OR6N1: variants seen among roughly 807,000 people sequenced by gnomAD.
The protein encoded by OR6N1 is olfactory receptor family 6 subfamily N member 1, also known as olfactory receptor 6N1.
For synonymous variants in OR6N1, 170 were observed against 150.7 expected (o/e 1.13, Z -0.94); for missense variants, 394 against 371.7 (o/e 1.06, Z -0.49).
the OR6N1 span, among the ~76,000 whole-genome samples, chr1:158,786,445 T>C: frequency 1.3e-5 from 2 of 152,176 alleles, no homozygotes; most frequent in African/African-American, 2.4e-5. Context: ...GGAGATTCCT[T>C]AAAGAATTAA....
At chr1:158,813,427 A>T in the OR6N1 span, among the ~76,000 whole-genome samples, 2 of 152,190 alleles carry the variant, frequency 1.3e-5, no homozygotes, top group Non-Finnish European at 2.9e-5. Flanking sequence ...ACGGAAAACC[A>T]CAGAGATGTT....
chr1:158,825,043 C>T, the OR6N1 span, among the ~76,000 whole-genome samples: 11 of 152,034 alleles, frequency 7.2e-5, no homozygotes, highest in Admixed American at 3.3e-4. Flanking sequence ...CTACAGAATG[C>T]GAGAAAATAT....
the OR6N1 span, among the ~76,000 whole-genome samples, chr1:158,792,297 G>A: frequency 6.6e-6 from 1 of 152,016 alleles, no homozygotes; most frequent in African/African-American, 2.4e-5. Context: ...TACATTTTAA[G>A]TGTGTCTCCT....
upstream of OR6N1, chr1:158,776,726 T>C: frequency 6.2e-7 from 1 of 1,612,684 alleles, no homozygotes; most frequent in Non-Finnish European, 8.5e-7. Context: ...TGGAAGATGG[T>C]CCTCTTGATA....
the OR6N1 span, among the ~76,000 whole-genome samples, chr1:158,835,754 A>G: frequency 6.6e-6 from 1 of 151,842 alleles, no homozygotes; most frequent in Admixed American, 6.6e-5. Flanking sequence ...AATGTTAGCT[A>G]TGGTGTTTTC....
the OR6N1 span, among the ~76,000 whole-genome samples, chr1:158,831,832 T>C: frequency 6.6e-6 from 1 of 152,174 alleles, no homozygotes; most frequent in African/African-American, 2.4e-5. Flanking sequence ...TTAGAGGAGA[T>C]ACTTGGTTTT....
the OR6N1 span, among the ~76,000 whole-genome samples, chr1:158,817,485 G>C: frequency 3.9e-5 from 6 of 152,150 alleles, no homozygotes; most frequent in Admixed American, 6.5e-5. Flanking sequence ...TTTGTTTTCT[G>C]TGTTGTATTT....
At chr1:158,800,253 A>AAGTTGTCTTGG in the OR6N1 span, among the ~76,000 whole-genome samples, 1 of 152,142 alleles carries the variant, frequency 6.6e-6, no homozygotes, top group Non-Finnish European at 1.5e-5. Flanking sequence ...AAGTCTTCAA[A>AAGTTGTCTTGG]AGTTGTCTTG....
chr1:158,827,435 T>A, the OR6N1 span, among the ~76,000 whole-genome samples: 2 of 152,190 alleles, frequency 1.3e-5, no homozygotes, highest in Admixed American at 1.3e-4. Flanking sequence ...TAATCATCCA[T>A]TTCCTGGAGC....
upstream of OR6N1, among the ~76,000 whole-genome samples, chr1:158,773,006 A>G (rs182618414): frequency 3.6e-3 from 543 of 152,316 alleles, 7 homozygotes; most frequent in South Asian, 0.028. Context: ...TACTTTCCTC[A>G]GATAAAATTA....
chr1:158,780,238 G>A, the OR6N1 span, among the ~76,000 whole-genome samples: 6 of 152,204 alleles, frequency 3.9e-5, no homozygotes, highest in African/African-American at 1.4e-4. Flanking sequence ...GCAAGGAACT[G>A]TTGTTGGTAA....
the OR6N1 span, among the ~76,000 whole-genome samples, chr1:158,792,978 T>C: frequency 6.6e-6 from 1 of 152,300 alleles, no homozygotes; most frequent in South Asian, 2.1e-4. Context: ...ATTTCTTTTT[T>C]CTTCCTTTTT....
Position 158,765,842 on chromosome 1 carries a change from G to A in OR6N1, c.841C>T (p.Leu281Phe), listed in dbSNP as rs780114430. 3.7e-6 allele frequency: 6 copies of A among 1,614,162 alleles called. No homozygotes were observed. The highest frequency in any genetic ancestry group is 2.5e-6 in the Non-Finnish European group (3 of 1,180,004). Reference sequence around the variant, plus strand: ...ATGAAGGGGTTGAGGAAGGGTGTGAGCACTGAGTAGACCACTGCCAGGGCC... The same window carrying A: ...ATGAAGGGGTTGAGGAAGGGTGTGAACACTGAGTAGACCACTGCCAGGGCC... ...DQALAVVYSVLTPFLNPFIYS... is the reference protein window; with the variant it reads ...DQALAVVYSVFTPFLNPFIYS... Residue 281 changes from leucine to phenylalanine, a missense_variant, in exon 2 of 2, where the codon CTC (leucine) becomes TTC (phenylalanine). Coordinates refer to ENST00000641846, the MANE Select transcript of OR6N1 (RefSeq NM_001005185.2).
the OR6N1 span, among the ~76,000 whole-genome samples, chr1:158,810,340 T>G: frequency 1.3e-5 from 2 of 152,148 alleles, no homozygotes; most frequent in Non-Finnish European, 2.9e-5. Flanking sequence ...TTAGAACTTA[T>G]AGCATTCTCC....
chr1:158,825,270 T>A, the OR6N1 span, among the ~76,000 whole-genome samples: 1 of 151,948 alleles, frequency 6.6e-6, no homozygotes, highest in Non-Finnish European at 1.5e-5. Context: ...AAACCCCATA[T>A]CTACTAACAA....
the OR6N1 span, among the ~76,000 whole-genome samples, chr1:158,794,362 T>C: frequency 6.6e-6 from 1 of 152,152 alleles, no homozygotes; most frequent in African/African-American, 2.4e-5. Flanking sequence ...GCCTGCAATA[T>C]GGCCTCTTCT....
At chr1:158,835,894 T>C in the OR6N1 span, among the ~76,000 whole-genome samples, 1 of 152,020 alleles carries the variant, frequency 6.6e-6, no homozygotes, top group Admixed American at 6.5e-5. Context: ...ATGATCATTT[T>C]TTTTTTGTCT....
rs1168827606 is a variant in OR6N1 at position 158,765,974 on chromosome 1, C to T, written c.709G>A (p.Ala237Thr). 6.2e-7 allele frequency: 1 copy of T among 1,614,166 alleles called. No individual in the cohort carries two copies. Residue 237 changes from alanine (A) to threonine (T), a missense_variant, in exon 2 of 2, where the codon GCC becomes ACC. Transcript: ENST00000641846. ...AAGTGGGAGGCACACGTGGAGATGG[C>T]CTTCCTCTTGCCGGCAGCTGAGGGA... ...RIPSAAGKRKAISTCASHFTV... is the reference protein window; with the variant it reads ...RIPSAAGKRKTISTCASHFTV...
chr1:158,777,678 A>G, the OR6N1 span: 10 of 1,310,036 alleles, frequency 7.6e-6, no homozygotes, highest in Non-Finnish European at 1.1e-5. Flanking sequence ...CATTGGATTG[A>G]GATGACTGCT....
Sources: allele counts gnomAD v4.1 joint callset (sites outside exome capture counted in the v4.1 genomes callset), GRCh38; gene constraint gnomAD v4.1.1; transcripts MANE v1.5; gene names NCBI Gene and HGNC (gene_info 2026-07-23, HGNC 2026-07-21).